The following GABRG3 variants were observed in gnomAD, a reference collection of about 807,000 sequenced individuals.
GABRG3 encodes the protein gamma-aminobutyric acid type A receptor subunit gamma3.
Under a neutral mutation model 48.8 loss-of-function variants are expected in GABRG3, and 25 were observed. The ratio of observed to expected loss-of-function variants is 0.51; its 90% CI spans 0.37 to 0.72. The LOEUF (loss-of-function observed/expected upper bound fraction) is 0.72. Among genes scored for constraint, GABRG3 ranks in the 30% least tolerant of loss-of-function variants. The pLI is 0.00. For missense variants in GABRG3, 394 were observed against 577.9 expected (o/e 0.68, Z 3.26); for synonymous variants, 227 against 217.6 (o/e 1.04, Z -0.38).
chr15:27,108,752 G>A (rs1160253737), intron 3 of GABRG3, among the ~76,000 whole-genome samples: 1 of 151,994 alleles, frequency 6.6e-6, no homozygotes, highest in Non-Finnish European at 1.5e-5. Context: ...TGATACCCTG[G>A]TATTTAGGTT....
chr15:27,033,712 G>A (rs1328856039), intron 3 of GABRG3, among the ~76,000 whole-genome samples: 1 of 151,880 alleles, frequency 6.6e-6, no homozygotes, highest in Non-Finnish European at 1.5e-5. Flanking sequence ...TCTTATATGT[G>A]GTTTTAATAT....
At chr15:27,167,252 C>T (rs1170455235) in intron 3 of GABRG3, among the ~76,000 whole-genome samples, 1 of 152,192 alleles carries the variant, frequency 6.6e-6, no homozygotes, top group African/African-American at 2.4e-5. Context: ...CCTCTCTTTC[C>T]ACATCTGCTA....
chr15:27,434,828 A>G (rs1037541407), intron 5 of GABRG3, among the ~76,000 whole-genome samples: 5 of 152,138 alleles, frequency 3.3e-5, no homozygotes, highest in African/African-American at 1.2e-4. Flanking sequence ...GAGAAAAGGT[A>G]TCTTCCTGCA....
intron 3 of GABRG3, among the ~76,000 whole-genome samples, chr15:27,121,268 A>T (rs1897726443): frequency 6.6e-6 from 1 of 152,188 alleles, no homozygotes; most frequent in African/African-American, 2.4e-5. Context: ...TCAGTCTTTG[A>T]AGCTGAACTG....
rs569335501 is a variant in GABRG3 at position 27,455,964 on chromosome 15, A to G, written c.575-24686A>G. Among the ~76,000 whole-genome samples, 118 of 152,258 alleles carry G rather than the reference A, an allele frequency of 7.7e-4. 2 individuals carry two copies. Among genetic ancestry groups the G allele is most frequent in the African/African-American group, 2.8e-3 (117 of 41,538 alleles). On this transcript the variant is annotated intron_variant, in intron 5 of 9. Coordinates refer to ENST00000615808, the MANE Select transcript of GABRG3 (RefSeq NM_033223.5). ...TCTAGGATAAGCCTGGTCACTGGAC[A>G]TGAATTTGAGAAGCCTGTGGTTGAG... is the stretch of plus-strand genomic sequence containing the variant.
chr15:27,201,651 A>G (rs186993097), intron 3 of GABRG3, among the ~76,000 whole-genome samples: 1 of 152,212 alleles, frequency 6.6e-6, no homozygotes, highest in Admixed American at 6.5e-5. Context: ...GTAGGAGCTG[A>G]CTTCAGCCAA....
At chr15:27,135,632 C>T (rs984481613) in intron 3 of GABRG3, among the ~76,000 whole-genome samples, 5 of 152,144 alleles carry the variant, frequency 3.3e-5, no homozygotes, top group African/African-American at 9.7e-5. Flanking sequence ...GGAGGCCAGG[C>T]GCAGTGGCTC....
intron 3 of GABRG3, among the ~76,000 whole-genome samples, chr15:27,283,098 A>G (rs1257377952): frequency 1.3e-5 from 2 of 152,150 alleles, no homozygotes; most frequent in African/African-American, 2.4e-5. Context: ...CAGGCTGCGC[A>G]TTCACCCCCA....
At chr15:27,148,176 T>A (rs1308456880) in intron 3 of GABRG3, among the ~76,000 whole-genome samples, 1 of 151,902 alleles carries the variant, frequency 6.6e-6, no homozygotes, top group African/African-American at 2.4e-5. Context: ...AAGAATACTT[T>A]GATTATTAGA....
chr15:27,044,586 T>C (rs1022192615), intron 3 of GABRG3, among the ~76,000 whole-genome samples: 1 of 152,190 alleles, frequency 6.6e-6, no homozygotes, highest in Admixed American at 6.5e-5. Context: ...TAAAGTACAA[T>C]GCCAGTGTTA....
At chr15:27,388,444 G>C (rs957376682) in intron 5 of GABRG3, among the ~76,000 whole-genome samples, 10 of 152,134 alleles carry the variant, frequency 6.6e-5, no homozygotes, top group Non-Finnish European at 1.3e-4. Context: ...GAATTGTTTT[G>C]GCTGTGATTC....
intron 3 of GABRG3, among the ~76,000 whole-genome samples, chr15:27,195,421 T>C (rs528117249): frequency 6.6e-6 from 1 of 152,308 alleles, no homozygotes; most frequent in Non-Finnish European, 1.5e-5. Context: ...AACCTTTGCC[T>C]CCCAGGTTCA....
intron 3 of GABRG3, among the ~76,000 whole-genome samples, chr15:27,267,246 G>A (rs7496733): frequency 0.59 from 89,478 of 150,574 alleles, 27,159 homozygotes; most frequent in Non-Finnish European, 0.65. Context: ...AGCTGAGATT[G>A]CAGGCATGCC....
intron 5 of GABRG3, among the ~76,000 whole-genome samples, chr15:27,332,317 C>T (rs766428662): frequency 6.6e-6 from 1 of 152,152 alleles, no homozygotes; most frequent in Non-Finnish European, 1.5e-5. Context: ...AGTTCGAGAC[C>T]AGCCTGGCCA....
chr15:27,458,156 C>T (rs556904250), intron 5 of GABRG3, among the ~76,000 whole-genome samples: 3 of 152,248 alleles, frequency 2.0e-5, no homozygotes, highest in African/African-American at 4.8e-5. Context: ...ACATCCAGGC[C>T]GCATCTTCAC....
Position 27,145,610 on chromosome 15 carries a change from T to TATCTATCTATCTATCTATCTATCTATC in GABRG3, c.270+118790_270+118816dup, listed in dbSNP as rs1555405997. On this transcript the variant is annotated intron_variant, in intron 3 of 9. Transcript: ENST00000615808. ...ATATATACATATATCTATCTCTATC[T>TATCTATCTATCTATCTATCTATCTATC]ATCTATCTATCTATCTATCTATCTA... Among the ~76,000 whole-genome samples the TATCTATCTATCTATCTATCTATCTATC allele has an allele frequency of 6.1e-3, 825 of 135,134 alleles. 7 individuals carry two copies. Among genetic ancestry groups the TATCTATCTATCTATCTATCTATCTATC allele is most frequent in the Middle Eastern group, 0.011 (3 of 264 alleles). The allele number at this position is 135,134 out of a possible 152,430, so 88.7% of individuals were successfully genotyped here. A position where few individuals can be genotyped will look rare whatever the true frequency, so the allele number is the denominator to read the frequency against.
intron 3 of GABRG3, among the ~76,000 whole-genome samples, chr15:27,326,224 C>T (rs1036438955): frequency 1.9e-4 from 29 of 152,204 alleles, no homozygotes; most frequent in Non-Finnish European, 2.8e-4. Flanking sequence ...GCTGGGTGGC[C>T]GTCCTCTCTA....
At chr15:27,034,404 G>A (rs1188950346) in intron 3 of GABRG3, among the ~76,000 whole-genome samples, 2 of 152,182 alleles carry the variant, frequency 1.3e-5, no homozygotes, top group Admixed American at 1.3e-4. Flanking sequence ...AAAAAAAGAA[G>A]TGAAAAATAA....
At chr15:27,230,304 C>T (rs1374118815) in intron 3 of GABRG3, among the ~76,000 whole-genome samples, 3 of 152,144 alleles carry the variant, frequency 2.0e-5, no homozygotes, top group Non-Finnish European at 4.4e-5. Flanking sequence ...TGATCTACAG[C>T]TCAAACTACC....
Sources: gnomAD v4.1 joint callset for allele counts (sites outside exome capture counted in the v4.1 genomes callset) on GRCh38, gnomAD v4.1.1 for gene constraint, MANE v1.5 for transcripts, NCBI Gene and HGNC (gene_info 2026-07-23, HGNC 2026-07-21) for gene names.